The following CPZ variants were observed in gnomAD, a reference collection of about 807,000 sequenced individuals.
CPZ encodes the protein carboxypeptidase Z, also known as VEZT/CPZ fusion.
A neutral mutation model predicts 61.8 loss-of-function variants in CPZ; 103 were observed. The ratio of observed to expected loss-of-function variants is 1.67; its 90% CI spans 1.42 to 1.96. The LOEUF (loss-of-function observed/expected upper bound fraction) is 1.96, where lower values mean the gene tolerates loss of function less well. Among genes scored for constraint, CPZ ranks in the 30% most tolerant of loss-of-function variants. CPZ has a pLI of 0.00. For synonymous variants in CPZ, 551 were observed against 373.7 expected (o/e 1.47, Z -5.47); for missense variants, 1,461 against 914.9 (o/e 1.60, Z -7.70).
chr4:8,601,286 G>A lies in CPZ; in HGVS notation c.285G>A (p.Pro95=), dbSNP rs758490455. 15 of 1,613,366 alleles carry A rather than the reference G, an allele frequency of 9.3e-6. No homozygotes were observed. The highest frequency in any genetic ancestry group is 5.5e-5 in the South Asian group (5 of 91,050). Residue 95 remains proline, a synonymous_variant, in exon 3 of 11, where the codon CCG becomes CCA. Coordinates refer to ENST00000360986, the MANE Select transcript of CPZ (RefSeq NM_001014447.3). The stretch of plus-strand genomic sequence containing the variant: ...AGCTCCTGGAAGGCCAGTGCAACCC[G>A]GACCTGCGGCTGCTGGGCTGTGCTG... The part of the protein sequence containing the change: ...LHQLLEGQCN[P]DLRLLGCAVL...
intron 4 of CPZ, among the ~76,000 whole-genome samples, chr4:8,605,573 A>C (rs1714901754): frequency 6.9e-6 from 1 of 145,636 alleles, no homozygotes; most frequent in African/African-American, 2.5e-5. Flanking sequence ...ATATCTATCC[A>C]TCCAGCCATC....
chr4:8,592,913 A>G lies in CPZ; in HGVS notation c.80A>G (p.Asn27Ser). ...AARPGCEFERNPAGECHRPPA... is the reference protein window; with the variant it reads ...AARPGCEFERSPAGECHRPPA... ...CGGCCGGGGTGCGAGTTTGAGCGGA[A>G]CCCCGCCGGTAAGGCCGTCCCCTGC... The change falls in exon 1 of 11, where the codon AAC becomes AGC. Residue 27 changes from asparagine to serine, a missense_variant. Physicochemically the swap from Asn to Ser is conservative, Grantham distance 46. Transcript: ENST00000360986. 1 of 1,527,792 alleles carries G rather than the reference A, an allele frequency of 6.5e-7. No individual in the cohort carries two copies. 94.6% of individuals were successfully genotyped at this position (1,527,792 alleles called of 1,614,324 possible).
At chr4:8,611,067 TTCACTCATTCATTCGCTCATTCAC>T (rs1205203952) in intron 7 of CPZ, 74 of 360,574 alleles carry the variant, frequency 2.1e-4, no homozygotes, top group Non-Finnish European at 3.7e-4. Context: ...CACTCACTCA[TTCACTCATTCATTCGCTCATTCAC>T]TCACTCACTC....
At position 8,612,351 on chromosome 4, in the gene CPZ, G is replaced by C. The variant is rs191103733; in HGVS notation, c.1363+189G>C. Among the ~76,000 whole-genome samples the C allele has an allele frequency of 2.0e-4, 20 of 101,524 alleles. No individual in the cohort carries two copies. In the East Asian group the frequency reaches 6.6e-3, roughly 33 times the overall value. 66.6% of individuals were successfully genotyped at this position (101,524 alleles called of 152,430 possible). A position where few individuals can be genotyped will look rare whatever the true frequency, so the allele number is the denominator to read the frequency against. ...GTTTCTGTCTTGATGAAAAGCTGTC[G>C]TGTGACTGTTGTGGAGGACCCAGGC... On this transcript the variant is annotated intron_variant, in intron 8 of 10. Coordinates refer to ENST00000360986, the MANE Select transcript of CPZ (RefSeq NM_001014447.3).
In CPZ at chr4:8,606,014, C is replaced by T. The variant is rs777323117; in HGVS notation, c.735C>T (p.Gly245=). The T allele has an allele frequency of 5.9e-5, 95 of 1,613,822 alleles. 2 individuals carry two copies. The South Asian group carries it at 8.5e-4, about 14-fold the overall frequency. The change falls in exon 5 of 11, where the codon GGC becomes GGT. Residue 245 remains glycine (G), a synonymous_variant. Transcript: ENST00000360986. The part of the protein sequence containing the change: ...ELMEPEVKLI[G]NIHGNEVAGR... ...TGGAGCCCGAGGTGAAGCTCATCGG[C>T]AACATTCATGGCAACGAGGTGGCGG...
At position 8,607,632 on chromosome 4, in the gene CPZ, CT is replaced by C. The variant is rs994511370; in HGVS notation, c.1227+208del. Among the ~76,000 whole-genome samples, 13 of 152,198 alleles carry C rather than the reference CT, an allele frequency of 8.5e-5. 1 individual carries two copies. The highest frequency in any genetic ancestry group is 7.8e-4 in the Admixed American group (12 of 15,288). On this transcript the variant is annotated intron_variant, in intron 7 of 10. Coordinates refer to ENST00000360986, the MANE Select transcript of CPZ (RefSeq NM_001014447.3). The stretch of plus-strand genomic sequence containing the variant: ...TGTGGCCTCAGGGGCCGTCGCTCCC[CT>C]GATCTCCCCGAGGCTGGCTGCACTG...
intron 9 of CPZ, among the ~76,000 whole-genome samples, chr4:8,615,259 G>C (rs571735857): frequency 4.6e-5 from 7 of 152,174 alleles, no homozygotes; most frequent in East Asian, 1.9e-4. Context: ...CTGCCCCAGA[G>C]AGCCAAGGTC....
At chr4:8,601,050 C>G in intron 2 of CPZ, 73 bp from the exon 3 acceptor site, 2 of 1,495,302 alleles carry the variant, frequency 1.3e-6, no homozygotes, top group Non-Finnish European at 1.8e-6. Flanking sequence ...GTGGGGTCCC[C>G]TACGTAAATG....
intron 9 of CPZ, among the ~76,000 whole-genome samples, chr4:8,614,922 G>A (rs1040468537): frequency 2.6e-5 from 4 of 151,872 alleles, no homozygotes; most frequent in South Asian, 2.1e-4. Context: ...CAGCAGAGGG[G>A]AGCATGCTAG....
In CPZ at chr4:8,614,361, A is replaced by T. The variant is rs1031658743; in HGVS notation, c.1366A>T (p.Met456Leu). The T allele has an allele frequency of 9.9e-6, 16 of 1,613,068 alleles. No homozygotes were observed. Among genetic ancestry groups the T allele is most frequent in the Admixed American group, 6.7e-5 (4 of 59,944 alleles). ...TCCCCGCTGTCTCTGTGCCACAGGC[A>T]TGTCCGATTTCAACTACCTGCACAC... The part of the protein sequence containing the change: ...GADWYSFTGG[M>L]SDFNYLHTNC... The change falls in exon 9 of 11, where the codon ATG becomes TTG. Residue 456 changes from methionine to leucine, a missense_variant and splice_region_variant. Transcript: ENST00000360986.
At chr4:8,593,008 C>A in intron 1 of CPZ, 87 bp downstream of exon 1, 1 of 1,089,802 alleles carries the variant, frequency 9.2e-7, no homozygotes, top group Non-Finnish European at 1.3e-6. Context: ...GGCCCGGGAG[C>A]TTTCTTCCAG....
At position 8,607,417 on chromosome 4, in the gene CPZ, G is replaced by A. The variant is rs761554430; in HGVS notation, c.1219G>A (p.Asp407Asn). ...QEEKMFSPTP[D>N]EKMFKLLSRA... ...GGAGAAGATGTTTTCTCCCACGCCC[G>A]ACGAGAAGGTGAGAGGGCTGTCGGG... is the stretch of plus-strand genomic sequence containing the variant. Residue 407 changes from aspartate (D) to asparagine (N), a missense_variant, in exon 7 of 11, where the codon GAC becomes AAC. Asp to Asn is a conservative substitution (Grantham distance 23). Coordinates refer to ENST00000360986, the MANE Select transcript of CPZ (RefSeq NM_001014447.3). 8.1e-6 allele frequency: 13 copies of A among 1,613,776 alleles called. No individual in the cohort carries two copies. Among genetic ancestry groups the A allele is most frequent in the Non-Finnish European group, 1.1e-5 (13 of 1,179,896 alleles).
At chr4:8,618,981 G>C (rs1431448113) in intron 10 of CPZ, among the ~76,000 whole-genome samples, 2 of 151,294 alleles carry the variant, frequency 1.3e-5, no homozygotes, top group African/African-American at 4.8e-5. Flanking sequence ...ATGTGGTCCA[G>C]AGAAGAGGGG....
intron 7 of CPZ, among the ~76,000 whole-genome samples, chr4:8,611,533 A>G (rs1003831360): frequency 2.6e-5 from 4 of 152,130 alleles, no homozygotes; most frequent in Non-Finnish European, 2.9e-5. Context: ...CCAGCCTCTG[A>G]TGGTGCTGGT....
Position 8,601,206 on chromosome 4 carries a change from T to A in CPZ, c.205T>A (p.Ser69Thr). ...TTFPNLLQHR[S>T]WEVVEASSEY... The stretch of plus-strand genomic sequence containing the variant: ...CTTCCCCAACCTGCTTCAGCACCGG[T>A]CGTGGGAGGTGGTGGAGGCCAGCTC... Residue 69 changes from serine to threonine, a missense_variant, in exon 3 of 11, where the codon TCG (serine) becomes ACG (threonine). By Grantham distance (58) the Ser-to-Thr change is moderately conservative. Transcript: ENST00000360986. 2.5e-6 allele frequency: 4 copies of A among 1,613,126 alleles called. No homozygotes were observed. The highest frequency in any genetic ancestry group is 2.5e-6 in the Non-Finnish European group (3 of 1,179,796).
rs1191311887 is a variant in CPZ, at chr4:8,619,304, A to C, written c.1646A>C (p.His549Pro). The change falls in exon 11 of 11, where the codon CAC becomes CCC. Residue 549 changes from histidine (H) to proline (P), a missense_variant. Transcript: ENST00000360986. The part of the protein sequence containing the change: ...DYWRLLPPGI[H>P]IVIAQAPGYA... The stretch of plus-strand genomic sequence containing the variant: ...TGGAGACTGCTGCCCCCAGGTATCC[A>C]CATTGTCATTGCCCAAGCCCCTGGC... The C allele has an allele frequency of 6.2e-7, 1 of 1,613,882 alleles. No homozygotes were observed. Among genetic ancestry groups the C allele is most frequent in the Non-Finnish European group, 8.5e-7 (1 of 1,179,898 alleles).
chr4:8,610,152 C>A (rs1221612100), intron 7 of CPZ, among the ~76,000 whole-genome samples: 2 of 152,216 alleles, frequency 1.3e-5, no homozygotes, highest in Non-Finnish European at 2.9e-5. Flanking sequence ...CTGGGTTTCC[C>A]ACGGTCCTCA....
At chr4:8,610,248 C>T (rs571986931) in intron 7 of CPZ, among the ~76,000 whole-genome samples, 15 of 152,328 alleles carry the variant, frequency 9.8e-5, no homozygotes, top group Admixed American at 3.3e-4. Context: ...TGCCCATGTG[C>T]GCCCAGCCTC....
chr4:8,608,628 G>T (rs1316019467), intron 7 of CPZ, among the ~76,000 whole-genome samples: 1 of 152,336 alleles, frequency 6.6e-6, no homozygotes, highest in East Asian at 1.9e-4. Context: ...GCTGCAGGAG[G>T]GCTGTGAGTG....
Sources: allele counts gnomAD v4.1 joint callset (sites outside exome capture counted in the v4.1 genomes callset), GRCh38; gene constraint gnomAD v4.1.1; transcripts MANE v1.5; gene names NCBI Gene and HGNC (gene_info 2026-07-23, HGNC 2026-07-21).